The following FRMD4A variants were observed in gnomAD, a reference collection of about 807,000 sequenced individuals.
The protein encoded by FRMD4A is FERM domain-containing protein 4A.
A neutral mutation model predicts 129.1 loss-of-function variants in FRMD4A; 29 were observed. The observed-to-expected ratio is 0.22, with a 90% CI of 0.17 to 0.31. The LOEUF (loss-of-function observed/expected upper bound fraction) is 0.31. FRMD4A is among the 10% of genes least tolerant of loss of function. The probability of loss-of-function intolerance (pLI) is 1.00; values close to 1 mark genes in which losing one functional copy is unlikely to be tolerated. For missense variants in FRMD4A, 1,272 were observed against 1,375.8 expected, an observed-to-expected ratio of 0.92 and a Z score of 1.19; for synonymous variants, 634 against 571.6, an observed-to-expected ratio of 1.11 and a Z score of -1.56.
At chr10:14,089,644 C>CAACAA (rs1836538795) in intron 2 of FRMD4A, among the ~76,000 whole-genome samples, 1 of 131,902 alleles carries the variant, frequency 7.6e-6, no homozygotes, top group Admixed American at 7.6e-5. Context: ...AAAAAACAAA[C>CAACAA]AAAAAAAAAA....
chr10:14,071,339 A>G (rs370192523), intron 2 of FRMD4A, among the ~76,000 whole-genome samples: 4 of 152,322 alleles, frequency 2.6e-5, no homozygotes, highest in Admixed American at 6.5e-5. Flanking sequence ...AATGCAATTG[A>G]CCTCTAAACA....
At chr10:14,002,646 C>T (rs776711189) in intron 2 of FRMD4A, among the ~76,000 whole-genome samples, 29 of 152,146 alleles carry the variant, frequency 1.9e-4, no homozygotes, top group African/African-American at 2.4e-4. Flanking sequence ...TGCCATCGTA[C>T]GGAGGATTAT....
At chr10:14,062,988 CT>C (rs1834884193) in intron 2 of FRMD4A, among the ~76,000 whole-genome samples, 1 of 152,152 alleles carries the variant, frequency 6.6e-6, no homozygotes, top group Non-Finnish European at 1.5e-5. Context: ...ACAAAATGTG[CT>C]GATCCTATCG....
At chr10:14,193,835 G>A (rs989689757) in intron 2 of FRMD4A, among the ~76,000 whole-genome samples, 1 of 152,134 alleles carries the variant, frequency 6.6e-6, no homozygotes, top group Admixed American at 6.5e-5. Flanking sequence ...ATGGAAATGC[G>A]TTGCTCCTTT....
At chr10:13,888,725 C>G (rs1443280482) in intron 2 of FRMD4A, among the ~76,000 whole-genome samples, 4 of 152,080 alleles carry the variant, frequency 2.6e-5, no homozygotes, top group African/African-American at 9.7e-5. Flanking sequence ...GGTGCTACCC[C>G]AAAAATAAGA....
chr10:13,910,888 GAAAAAA>G (rs141449954), intron 2 of FRMD4A, among the ~76,000 whole-genome samples: 34 of 83,070 alleles, frequency 4.1e-4, no homozygotes, highest in African/African-American at 1.2e-3. Context: ...GGAGTTTCAT[GAAAAAA>G]AAAAAAAAAA....
At chr10:13,949,297 T>C (rs1412372347) in intron 2 of FRMD4A, among the ~76,000 whole-genome samples, 1 of 39,902 alleles carries the variant, frequency 2.5e-5, no homozygotes, top group Admixed American at 3.7e-4. Context: ...TAGGTTCTAG[T>C]GATCAAAAAA....
chr10:14,237,872 C>T (rs947484170), intron 2 of FRMD4A, among the ~76,000 whole-genome samples: 10 of 152,304 alleles, frequency 6.6e-5, no homozygotes, highest in East Asian at 1.9e-4. Context: ...GGGTCCTCCT[C>T]GGCCAGCTTC....
In FRMD4A at chr10:14,222,492, T is replaced by TGA. The variant is rs1229181333; in HGVS notation, c.45+107564_45+107565dup. 3.3e-5 allele frequency among the ~76,000 whole-genome samples: 5 copies of TGA among 151,454 alleles called. No homozygotes were observed. In the Middle Eastern group the frequency reaches 0.01, roughly 311 times the overall value. On this transcript the variant is annotated intron_variant, in intron 2 of 24. Coordinates refer to ENST00000357447, the MANE Select transcript of FRMD4A (RefSeq NM_018027.5). ...TGTGAGAAACTTGACTTGATTAGAG[T>TGA]GAGAGAGAGAGAGAAATAGAGAAAC...
At chr10:13,839,481 G>C (rs1289212601) in intron 3 of FRMD4A, among the ~76,000 whole-genome samples, 1 of 152,216 alleles carries the variant, frequency 6.6e-6, no homozygotes, top group Non-Finnish European at 1.5e-5. Flanking sequence ...GTAATGCAGA[G>C]GGCATCTGTA....
At chr10:13,965,238 C>G (rs2095478266) in intron 2 of FRMD4A, among the ~76,000 whole-genome samples, 1 of 152,146 alleles carries the variant, frequency 6.6e-6, no homozygotes, top group Non-Finnish European at 1.5e-5. Context: ...TAAATGCCGA[C>G]TCGCCCACCT....
intron 3 of FRMD4A, among the ~76,000 whole-genome samples, chr10:13,848,641 A>T (rs79257606): frequency 0.21 from 20,863 of 101,300 alleles, 1,531 homozygotes; most frequent in Non-Finnish European, 0.23. Flanking sequence ...TGTGTGTGTA[A>T]ACGCGGCAGG....
intron 2 of FRMD4A, among the ~76,000 whole-genome samples, chr10:13,883,517 A>G (rs1376753890): frequency 6.6e-6 from 1 of 152,192 alleles, no homozygotes; most frequent in Non-Finnish European, 1.5e-5. Context: ...AAAAAAAACC[A>G]AGAAACAAAG....
intron 2 of FRMD4A, among the ~76,000 whole-genome samples, chr10:13,969,305 C>A (rs1378582989): frequency 6.6e-6 from 1 of 152,234 alleles, no homozygotes; most frequent in African/African-American, 2.4e-5. Context: ...CTGGCTTGGC[C>A]AGAGACCACA....
At chr10:14,013,540 T>C (rs952705285) in intron 2 of FRMD4A, among the ~76,000 whole-genome samples, 7 of 152,124 alleles carry the variant, frequency 4.6e-5, no homozygotes, top group Admixed American at 4.6e-4. Context: ...ACCAGGGAAT[T>C]GCAGAGATAA....
chr10:13,696,589 C>T (rs1166670650), intron 14 of FRMD4A, among the ~76,000 whole-genome samples: 1 of 152,138 alleles, frequency 6.6e-6, no homozygotes, highest in Non-Finnish European at 1.5e-5. Context: ...ACTAAAAATA[C>T]AAAAATTAGA....
intron 12 of FRMD4A, among the ~76,000 whole-genome samples, chr10:13,722,492 C>T (rs370620419): frequency 5.9e-5 from 9 of 151,710 alleles, no homozygotes; most frequent in East Asian, 1.9e-4. Flanking sequence ...GCAATCCTCC[C>T]GCCTCAATCT....
At chr10:13,884,194 A>T (rs797013736) in intron 2 of FRMD4A, among the ~76,000 whole-genome samples, 5,174 of 78,982 alleles carry the variant, frequency 0.066, 355 homozygotes, top group Non-Finnish European at 0.082. Flanking sequence ...ACACACACAC[A>T]CTCACACACA....
intron 2 of FRMD4A, among the ~76,000 whole-genome samples, chr10:14,019,645 AT>A (rs1832639991): frequency 6.6e-6 from 1 of 152,228 alleles, no homozygotes; most frequent in Admixed American, 6.5e-5. Flanking sequence ...TACACATATT[AT>A]TTTGATAAAA....
Sources: allele counts gnomAD v4.1 joint callset (sites outside exome capture counted in the v4.1 genomes callset), GRCh38; gene constraint gnomAD v4.1.1; transcripts MANE v1.5; gene names NCBI Gene and HGNC (gene_info 2026-07-23, HGNC 2026-07-21).